CD82: variants seen among roughly 807,000 people sequenced by gnomAD.
The protein encoded by CD82 is CD82 molecule.
Under a neutral mutation model 37.4 loss-of-function variants are expected in CD82, and 36 were observed. The observed-to-expected ratio is 0.96, with a 90% CI of 0.74 to 1.27. CD82 has a LOEUF of 1.27. Among genes scored for constraint, CD82 ranks in the 50% most tolerant of loss-of-function variants. CD82 has a pLI of 0.00. For synonymous variants in CD82, 158 were observed against 137.4 expected, an observed-to-expected ratio of 1.15 and a Z score of -1.05; for missense variants, 340 against 347.0, an observed-to-expected ratio of 0.98 and a Z score of 0.16.
chr11:44,589,533 T>C (rs1283676570), intron 2 of CD82, among the ~76,000 whole-genome samples: 1 of 152,202 alleles, frequency 6.6e-6, no homozygotes, highest in Non-Finnish European at 1.5e-5. Flanking sequence ...CTGAGCCAAC[T>C]GATGATGATG....
At chr11:44,592,473 C>G (rs575918647) in intron 2 of CD82, among the ~76,000 whole-genome samples, 61 of 152,334 alleles carry the variant, frequency 4.0e-4, no homozygotes, top group African/African-American at 1.3e-3. Flanking sequence ...TGAAACACAG[C>G]AGATCCGTGG....
Position 44,594,743 on chromosome 11 carries a change from C to G in CD82, c.63+18C>G. 4 of 1,601,276 alleles carry G rather than the reference C, an allele frequency of 2.5e-6. No homozygotes were observed. The highest frequency in any genetic ancestry group is 2.2e-5 in the South Asian group (2 of 90,752). On this transcript the variant is annotated intron_variant, in intron 3 of 9. Transcript: ENST00000227155. Reference sequence around the variant, plus strand: ...TCTTCTTTGTAAGTATGTCCCATGCCGTCCTGACCACCTCCGAAAAGATTC... The same window carrying G: ...TCTTCTTTGTAAGTATGTCCCATGCGGTCCTGACCACCTCCGAAAAGATTC...
intron 1 of CD82, among the ~76,000 whole-genome samples, chr11:44,576,138 C>T (rs1291044664): frequency 4.6e-5 from 7 of 152,202 alleles, no homozygotes; most frequent in African/African-American, 1.4e-4. Flanking sequence ...TGTTCTCCAG[C>T]AGTTTATGTT....
In CD82 at chr11:44,574,091, T is replaced by TG. The variant is rs139161628; in HGVS notation, c.-103+8361dup. Among the ~76,000 whole-genome samples the TG allele has an allele frequency of 7.9e-3, 1,199 of 152,202 alleles. 13 individuals are homozygous for TG. Among genetic ancestry groups the TG allele is most frequent in the African/African-American group, 0.028 (1,153 of 41,536 alleles). ...TTTCCGGGGTTGCTTGAAGCTCTGC[T>TG]GGGGGGTCAGCAGAAGACTTAGATT... On this transcript the variant is annotated intron_variant, in intron 1 of 9. Transcript: ENST00000227155.
intron 2 of CD82, among the ~76,000 whole-genome samples, chr11:44,589,856 C>T (rs770689479): frequency 1.6e-4 from 25 of 151,978 alleles, no homozygotes; most frequent in Non-Finnish European, 2.6e-4. Flanking sequence ...TTTTTTGAGA[C>T]GGGGTCTCGC....
chr11:44,617,888 C>T (rs148834075), intron 7 of CD82, among the ~76,000 whole-genome samples: 1 of 152,342 alleles, frequency 6.6e-6, no homozygotes, highest in East Asian at 1.9e-4. Context: ...GACTTTAAAC[C>T]CTGCACTGTG....
At chr11:44,615,185 CG>C (rs942091939) in intron 6 of CD82, 86 bp from the exon 7 acceptor site, 20 of 835,746 alleles carry the variant, frequency 2.4e-5, no homozygotes, top group African/African-American at 2.3e-4. Context: ...CTGAGGGGAA[CG>C]GGGGGAGGCA....
chr11:44,613,389 A>G (rs1386259922), intron 6 of CD82, among the ~76,000 whole-genome samples: 1 of 152,096 alleles, frequency 6.6e-6, no homozygotes, highest in East Asian at 1.9e-4. Flanking sequence ...CTTTTGCACA[A>G]CTGACTTATT....
intron 1 of CD82, among the ~76,000 whole-genome samples, chr11:44,570,182 C>T (rs939648184): frequency 6.6e-6 from 1 of 152,214 alleles, no homozygotes; most frequent in Non-Finnish European, 1.5e-5. Context: ...GTGGCTGGGT[C>T]TCCTCACTGT....
At chr11:44,606,208 CAGAAAA>C (rs1470278345) in intron 6 of CD82, 1 of 152,312 alleles carries the variant, frequency 6.6e-6, no homozygotes, top group African/African-American at 2.4e-5. Flanking sequence ...TCCCTTTTAT[CAGAAAA>C]GGCGCAGTGG....
At chr11:44,567,811 T>C (rs572171679) in intron 1 of CD82, among the ~76,000 whole-genome samples, 3 of 152,136 alleles carry the variant, frequency 2.0e-5, no homozygotes, top group Admixed American at 6.5e-5. Flanking sequence ...TGATGGAAGA[T>C]AAATGAAAAA....
chr11:44,587,970 C>T, intron 2 of CD82: 1 of 228,832 alleles, frequency 4.4e-6, no homozygotes, highest in South Asian at 6.5e-5. Context: ...CTACCTACCC[C>T]TCCATCCCTG....
intron 1 of CD82, among the ~76,000 whole-genome samples, chr11:44,585,449 T>A (rs1853039537): frequency 6.6e-6 from 1 of 152,106 alleles, no homozygotes; most frequent in South Asian, 2.1e-4. Context: ...GCTGGCAAGG[T>A]GTGGCAGATG....
rs1230891039 is a variant in CD82, at chr11:44,619,922, G to A, written c.*796G>A. The A allele has an allele frequency of 6.6e-6, 1 of 152,158 alleles. No individual in the cohort carries two copies. Among genetic ancestry groups the A allele is most frequent in the African/African-American group, 2.4e-5 (1 of 41,422 alleles). 9.4% of individuals were successfully genotyped at this position (152,158 alleles called of 1,614,324 possible). A position where few individuals can be genotyped will look rare whatever the true frequency, so the allele number is the denominator to read the frequency against. ...ATTATATTGAAGGCAGTGGGAGAGG[G>A]GAGAGGGTGGGTTTTACCTGATATT... is the stretch of plus-strand genomic sequence containing the variant. On this transcript the variant is annotated 3_prime_UTR_variant, in exon 10 of 10. Transcript: ENST00000227155.
intron 1 of CD82, chr11:44,585,038 C>T (rs535009963): frequency 5.0e-5 from 18 of 357,558 alleles, no homozygotes; most frequent in South Asian, 3.5e-4. Context: ...ACCAAACTGG[C>T]TGGACCTCTG....
At chr11:44,583,503 A>G (rs1853010193) in intron 1 of CD82, among the ~76,000 whole-genome samples, 1 of 152,246 alleles carries the variant, frequency 6.6e-6, no homozygotes, top group South Asian at 2.1e-4. Context: ...GCTGAGAGTC[A>G]GGCCTCAGGG....
intron 7 of CD82, 57 bp downstream of exon 7, chr11:44,615,430 G>T (rs1219852084): frequency 1.9e-6 from 2 of 1,045,342 alleles, no homozygotes; most frequent in Non-Finnish European, 3.0e-6. Context: ...TGCATTTGGG[G>T]CTCTGTGCAC....
At chr11:44,566,680 T>C (rs1309727557) in intron 1 of CD82, among the ~76,000 whole-genome samples, 1 of 152,134 alleles carries the variant, frequency 6.6e-6, no homozygotes, top group East Asian at 1.9e-4. Context: ...CTAAATAGAA[T>C]AATGTGTATA....
At chr11:44,612,526 G>A (rs1236822681) in intron 6 of CD82, among the ~76,000 whole-genome samples, 2 of 126,494 alleles carry the variant, frequency 1.6e-5, no homozygotes, top group Non-Finnish European at 1.6e-5. Flanking sequence ...GCAGAACTCT[G>A]TATAAGGGCT....
Sources: allele counts gnomAD v4.1 joint callset (sites outside exome capture counted in the v4.1 genomes callset), GRCh38; gene constraint gnomAD v4.1.1; transcripts MANE v1.5; gene names NCBI Gene and HGNC (gene_info 2026-07-23, HGNC 2026-07-21).